Variants in MACROD2 observed in about 807,000 individuals in gnomAD.
MACROD2 encodes mono-ADP ribosylhydrolase 2.
A neutral mutation model predicts 70.4 loss-of-function variants in MACROD2; 36 were observed. The ratio of observed to expected loss-of-function variants is 0.51; its 90% CI spans 0.39 to 0.68. The LOEUF is 0.68. Ranked by LOEUF, MACROD2 falls within the 30% of genes least tolerant of loss-of-function variation. MACROD2 has a pLI of 0.00. For missense variants in MACROD2, 496 were observed against 538.4 expected (o/e 0.92, Z 0.78); for synonymous variants, 172 against 178.8 (o/e 0.96, Z 0.30).
At chr20:15,161,147 A>G (rs1040778882) in intron 5 of MACROD2, among the ~76,000 whole-genome samples, 1 of 151,978 alleles carries the variant, frequency 6.6e-6, no homozygotes, top group African/African-American at 2.4e-5. Flanking sequence ...GTTTCTACAT[A>G]TATACAATGG....
At chr20:15,904,680 C>T (rs2065117084) in intron 10 of MACROD2, among the ~76,000 whole-genome samples, 1 of 151,778 alleles carries the variant, frequency 6.6e-6, no homozygotes, top group African/African-American at 2.4e-5. Flanking sequence ...ATCACGAGGT[C>T]AGGAGATCGA....
intron 3 of MACROD2, among the ~76,000 whole-genome samples, chr20:14,177,979 A>G (rs1244343520): frequency 6.6e-6 from 1 of 152,206 alleles, no homozygotes; most frequent in Non-Finnish European, 1.5e-5. Flanking sequence ...ATCAGAGGCA[A>G]TAAAAGAGAA....
At chr20:15,810,963 A>T (rs1386698468) in intron 8 of MACROD2, among the ~76,000 whole-genome samples, 36 of 149,972 alleles carry the variant, frequency 2.4e-4, no homozygotes, top group Non-Finnish European at 4.4e-4. Context: ...CTTAAACGTT[A>T]GACCTAAAAC....
intron 4 of MACROD2, among the ~76,000 whole-genome samples, chr20:14,494,997 T>C (rs2084837724): frequency 6.6e-6 from 1 of 152,098 alleles, no homozygotes. Context: ...TAAAATTGAG[T>C]CTATGTAAAC....
rs915076089 is a variant in MACROD2 at position 14,734,622 on chromosome 20, CT to C, written c.418+49672del. On this transcript the variant is annotated intron_variant, in intron 5 of 17. Transcript: ENST00000684519. ...TGTTATGTCTTCATCCAAAAAACAACTTTTTTTTTCTTAATAGTAACTTTAT... is the reference window on the plus strand; with the variant it reads ...TGTTATGTCTTCATCCAAAAAACAACTTTTTTTTCTTAATAGTAACTTTAT... Among the ~76,000 whole-genome samples the C allele has an allele frequency of 2.3e-4, 34 of 148,796 alleles. No individual in the cohort carries two copies. The East Asian group carries it at 2.9e-3, about 13-fold the overall frequency.
chr20:15,338,206 A>G (rs2078069852), intron 6 of MACROD2, among the ~76,000 whole-genome samples: 1 of 151,660 alleles, frequency 6.6e-6, no homozygotes, highest in African/African-American at 2.4e-5. Flanking sequence ...ATATTACGGT[A>G]TAGTTTTGAT....
At chr20:14,577,794 A>AAGAGAAGAG (rs1980697589) in intron 4 of MACROD2, among the ~76,000 whole-genome samples, 1 of 137,728 alleles carries the variant, frequency 7.3e-6, no homozygotes, top group Non-Finnish European at 1.6e-5. Flanking sequence ...AAAGAAAAGG[A>AAGAGAAGAG]AAGAGAAGAG....
chr20:15,217,714 C>T (rs993646140), intron 5 of MACROD2, among the ~76,000 whole-genome samples: 10 of 152,100 alleles, frequency 6.6e-5, no homozygotes, highest in Non-Finnish European at 1.0e-4. Context: ...ATTAATTGAC[C>T]TGCATGACAA....
intron 12 of MACROD2, among the ~76,000 whole-genome samples, chr20:15,961,085 T>A (rs2066053756): frequency 6.6e-6 from 1 of 152,172 alleles, no homozygotes; most frequent in Non-Finnish European, 1.5e-5. Flanking sequence ...TAAAATAGCA[T>A]GCGGTAGAGC....
chr20:14,874,238 A>C (rs1357851244), intron 5 of MACROD2, among the ~76,000 whole-genome samples: 1 of 152,000 alleles, frequency 6.6e-6, no homozygotes, highest in Non-Finnish European at 1.5e-5. Flanking sequence ...GAACCAGTAA[A>C]GAAATATCTG....
At chr20:15,102,877 T>C (rs1048657861) in intron 5 of MACROD2, among the ~76,000 whole-genome samples, 2 of 152,066 alleles carry the variant, frequency 1.3e-5, no homozygotes, top group Non-Finnish European at 2.9e-5. Context: ...TGGAGTCCCA[T>C]GTATTCATAG....
intron 3 of MACROD2, among the ~76,000 whole-genome samples, chr20:14,156,875 G>T (rs1259082218): frequency 6.6e-6 from 1 of 152,090 alleles, no homozygotes; most frequent in East Asian, 1.9e-4. Flanking sequence ...TCACTGTAAG[G>T]GTCATTGTGA....
intron 8 of MACROD2, among the ~76,000 whole-genome samples, chr20:15,859,516 A>G (rs2064396196): frequency 6.6e-6 from 1 of 152,176 alleles, no homozygotes; most frequent in Admixed American, 6.5e-5. Context: ...TGCATTCATA[A>G]ACACGGAGCT....
At chr20:14,398,095 T>A (rs1376737606) in intron 3 of MACROD2, among the ~76,000 whole-genome samples, 1 of 152,072 alleles carries the variant, frequency 6.6e-6, no homozygotes, top group Admixed American at 6.6e-5. Context: ...ATTATACTTG[T>A]GTGTGTGTGT....
chr20:15,131,131 C>T (rs921293857), intron 5 of MACROD2, among the ~76,000 whole-genome samples: 3 of 152,086 alleles, frequency 2.0e-5, no homozygotes, highest in African/African-American at 7.2e-5. Context: ...GACCCGTATT[C>T]TAATCATGCA....
chr20:15,784,617 A>G (rs187097192), intron 8 of MACROD2, among the ~76,000 whole-genome samples: 1 of 152,278 alleles, frequency 6.6e-6, no homozygotes, highest in Admixed American at 6.5e-5. Context: ...ACAACTTGCT[A>G]TTCAGTTTTT....
intron 3 of MACROD2, among the ~76,000 whole-genome samples, chr20:14,231,310 C>T (rs1376132817): frequency 6.6e-6 from 1 of 151,940 alleles, no homozygotes; most frequent in African/African-American, 2.4e-5. Flanking sequence ...CAAAACAGGC[C>T]CCAGAGTGTG....
chr20:15,616,557 G>A (rs1356617705), intron 8 of MACROD2, among the ~76,000 whole-genome samples: 1 of 152,146 alleles, frequency 6.6e-6, no homozygotes, highest in African/African-American at 2.4e-5. Flanking sequence ...CAGCAGGCCT[G>A]TTACTCTGGT....
intron 2 of MACROD2, among the ~76,000 whole-genome samples, chr20:14,080,776 T>G (rs1417923650): frequency 6.6e-6 from 1 of 152,182 alleles, no homozygotes; most frequent in South Asian, 2.1e-4. Flanking sequence ...TTTCCTCTGA[T>G]AGCCTACTAC....
Sources: allele counts gnomAD v4.1 joint callset (sites outside exome capture counted in the v4.1 genomes callset), GRCh38; gene constraint gnomAD v4.1.1; transcripts MANE v1.5; gene names NCBI Gene and HGNC (gene_info 2026-07-23, HGNC 2026-07-21).